Variants in KRTCAP3 observed in about 807,000 individuals in gnomAD.
KRTCAP3 encodes keratinocyte-associated protein 3.
In KRTCAP3, 18 loss-of-function variants were observed where a neutral mutation model predicts 20.5. The ratio of observed to expected loss-of-function variants is 0.88; its 90% CI spans 0.61 to 1.31. KRTCAP3 has a LOEUF of 1.31. KRTCAP3 is among the 50% of genes most tolerant of loss of function. KRTCAP3 has a pLI of 0.00. For synonymous variants in KRTCAP3, 167 were observed against 133.7 expected (o/e 1.25, Z -1.72); for missense variants, 347 against 310.4 (o/e 1.12, Z -0.89).
At chr2:27,445,441 C>T (rs760787140), downstream of KRTCAP3, 6 of 1,610,486 alleles carry the variant, frequency 3.7e-6, no homozygotes, top group Non-Finnish European at 5.1e-6. This position sits in a 1 kb window ranked among gnomAD's most constrained non-coding sequence, Gnocchi z 4.4. Context: ...CCTCTTCTCT[C>T]TCAGCCTCCT....
At chr2:27,442,474 C>A in intron 1 of KRTCAP3, 34 bp downstream of exon 1, 1 of 1,560,376 alleles carries the variant, frequency 6.4e-7, no homozygotes, top group East Asian at 2.4e-5. Context: ...CGTCTCCTTA[C>A]CCTGGGGCTA....
rs1466689839 is a variant in KRTCAP3, at chr2:27,444,198, C to T, written c.*18C>T. 4.4e-6 allele frequency: 3 copies of T among 678,386 alleles called. No individual in the cohort carries two copies. The highest frequency in any genetic ancestry group is 1.8e-5 in the African/African-American group (1 of 55,228). 42.0% of individuals were successfully genotyped at this position (678,386 alleles called of 1,614,324 possible). On this transcript the variant is annotated 3_prime_UTR_variant, in exon 7 of 7. Coordinates refer to ENST00000288873, the MANE Select transcript of KRTCAP3 (RefSeq NM_173853.4). ...CCCCTCTGTCCAGCAGGTGCTGTTC[C>T]GAGACTCAGTCCTAAAGGGTTTTTT...
rs1664786600 is a variant in KRTCAP3, at chr2:27,443,964, G to A, written c.631G>A (p.Glu211Lys). ...TCTTCTGCAGCTAGAGGAAATGACAGAGCTTGAATCTCCTAAATGTAAAAG... is the reference window on the plus strand; with the variant it reads ...TCTTCTGCAGCTAGAGGAAATGACAAAGCTTGAATCTCCTAAATGTAAAAG... ...GLQGQLEEMT[E>K]LESPKCKRQE... Residue 211 changes from glutamate to lysine, a missense_variant, in exon 6 of 7, where the codon GAG (glutamate) becomes AAG (lysine). Transcript: ENST00000288873. 6.2e-7 allele frequency: 1 copy of A among 1,603,638 alleles called. No individual in the cohort carries two copies.
Position 27,443,472 on chromosome 2 carries a change from T to C in KRTCAP3, c.555T>C (p.Cys185=), listed in dbSNP as rs890314479. ...AGEAALSGYC[C]VAALTLRGVG... is the part of the protein sequence containing the mutation. ...AGGCTGCTCTATCTGGTTACTGCTG[T>C]GTGGCTGCACTCACTCTACGTGGAG... Residue 185 remains cysteine, a synonymous_variant, in exon 5 of 7, where the codon TGT becomes TGC. Coordinates refer to ENST00000288873, the MANE Select transcript of KRTCAP3 (RefSeq NM_173853.4). 1.2e-6 allele frequency: 2 copies of C among 1,614,168 alleles called. No individual in the cohort carries two copies. Among genetic ancestry groups the C allele is most frequent in the Admixed American group, 3.3e-5 (2 of 60,018 alleles).
chr2:27,445,806 G>GAGTGGTCA (rs755954370), downstream of KRTCAP3: 1 of 1,614,152 alleles, frequency 6.2e-7, no homozygotes. The surrounding 1 kb of genome is among the most constrained non-coding windows in gnomAD (Gnocchi z 4.4). Context: ...CTGAAAATCA[G>GAGTGGTCA]AGTGGTCAAG....
Position 27,442,728 on chromosome 2 carries a change from G to A in KRTCAP3, c.178G>A (p.Val60Ile), listed in dbSNP as rs905508541. 3.7e-6 allele frequency: 6 copies of A among 1,605,630 alleles called. No individual in the cohort carries two copies. Among genetic ancestry groups the A allele is most frequent in the East Asian group, 2.2e-5 (1 of 44,688 alleles). Residue 60 changes from valine to isoleucine, a missense_variant, in exon 2 of 7, where the codon GTA becomes ATA. Transcript: ENST00000288873. The stretch of plus-strand genomic sequence containing the variant: ...CGGCGCTGTCACGCCGGAGTACACC[G>A]TAGCCAATGTCATCTCTGTCGGCTC... ...PRGAVTPEYT[V>I]ANVISVGSGL...
downstream of KRTCAP3, chr2:27,445,693 C>T (rs1665013318): frequency 2.5e-6 from 4 of 1,593,030 alleles, no homozygotes; most frequent in South Asian, 1.1e-5. The surrounding 1 kb of genome is among the most constrained non-coding windows in gnomAD (Gnocchi z 4.4). Flanking sequence ...TCTCCCTCCT[C>T]AAGGCACTCA....
Position 27,443,427 on chromosome 2 carries a change from T to G in KRTCAP3, c.510T>G (p.Ser170=), listed in dbSNP as rs184475643. The G allele has an allele frequency of 8.7e-6, 14 of 1,614,198 alleles. No homozygotes were observed. The highest frequency in any genetic ancestry group is 3.3e-5 in the Admixed American group (2 of 60,024). ...YDTALALWIP[S]LLMSAGEAAL... ...CAGCCTTGGCTCTCTGGATCCCTTC[T>G]TTGCTCATGTCTGCAGGGGAGGCTG... The change falls in exon 5 of 7, where the codon TCT becomes TCG. Residue 170 remains serine, a synonymous_variant. Coordinates refer to ENST00000288873, the MANE Select transcript of KRTCAP3 (RefSeq NM_173853.4).
chr2:27,445,037 T>C (rs770335799), downstream of KRTCAP3: 4 of 1,614,134 alleles, frequency 2.5e-6, no homozygotes, highest in Admixed American at 6.7e-5. The surrounding 1 kb of genome is among the most constrained non-coding windows in gnomAD (Gnocchi z 4.4). Flanking sequence ...AGGAATTTAT[T>C]CCAGTTGTCC....
Position 27,443,053 on chromosome 2 carries a change from C to T in KRTCAP3, c.274-21C>T, listed in dbSNP as rs573705801. The T allele has an allele frequency of 4.4e-6, 7 of 1,608,310 alleles. No individual in the cohort carries two copies. The Admixed American group carries it at 8.3e-5, about 19-fold the overall frequency. On this transcript the variant is annotated intron_variant, in intron 3 of 6. Coordinates refer to ENST00000288873, the MANE Select transcript of KRTCAP3 (RefSeq NM_173853.4). ...GTTAGCCAGGCCCAGGCTGCTCACCCTGATCTCCTGTCCCTGCCAGCACTG... is the reference window on the plus strand; with the variant it reads ...GTTAGCCAGGCCCAGGCTGCTCACCTTGATCTCCTGTCCCTGCCAGCACTG...
chr2:27,442,629 TTGG>T lies in KRTCAP3; in HGVS notation c.83_85del (p.Val28del). 6.4e-7 allele frequency: 1 copy of T among 1,572,098 alleles called. No individual in the cohort carries two copies. Among genetic ancestry groups the T allele is most frequent in the Non-Finnish European group, 8.6e-7 (1 of 1,159,906 alleles). On this transcript the variant is annotated inframe_deletion, in exon 2 of 7. Coordinates refer to ENST00000288873, the MANE Select transcript of KRTCAP3 (RefSeq NM_173853.4). The stretch of plus-strand genomic sequence containing the variant: ...GATGCGTGTGGGCCTCGCGCTGATC[TTGG>T]TGGGCCACGTGAACCTGCTGCTGGG...
intron 3 of KRTCAP3, 82 bp from the exon 4 acceptor site, chr2:27,442,992 A>C (rs748892223): frequency 1.4e-5 from 22 of 1,573,070 alleles, no homozygotes; most frequent in Non-Finnish European, 1.9e-5. Context: ...AGATTGGAGG[A>C]GCCTCAGAGA....
chr2:27,446,305 T>C, downstream of KRTCAP3: 3 of 1,614,244 alleles, frequency 1.9e-6, no homozygotes, highest in Non-Finnish European at 1.7e-6. Context: ...CTACAGGTAG[T>C]AGCTGGGTGT....
In KRTCAP3 at chr2:27,442,908, G is replaced by A. The variant is rs749233167; in HGVS notation, c.273+7G>A. On this transcript the variant is annotated splice_region_variant and intron_variant, in intron 3 of 6. Transcript: ENST00000288873. Reference sequence around the variant, plus strand: ...CCTTCTTCGCCCTCCACTGGTGAGAGGGACTTCCCTGGAGCTTTTAACGAG... The same window carrying A: ...CCTTCTTCGCCCTCCACTGGTGAGAAGGACTTCCCTGGAGCTTTTAACGAG... The A allele has an allele frequency of 6.8e-6, 11 of 1,613,278 alleles. No individual in the cohort carries two copies. In the South Asian group the frequency reaches 9.9e-5, roughly 14 times the overall value.
Position 27,444,194 on chromosome 2 carries a change from G to A in KRTCAP3, c.*14G>A. On this transcript the variant is annotated 3_prime_UTR_variant, in exon 7 of 7. Coordinates refer to ENST00000288873, the MANE Select transcript of KRTCAP3 (RefSeq NM_173853.4). The stretch of plus-strand genomic sequence containing the variant: ...TTCTCCCCTCTGTCCAGCAGGTGCT[G>A]TTCCGAGACTCAGTCCTAAAGGGTT... The A allele has an allele frequency of 2.9e-6, 2 of 682,706 alleles. No homozygotes were observed. Among genetic ancestry groups the A allele is most frequent in the South Asian group, 3.6e-5 (2 of 55,524 alleles). 42.3% of individuals were successfully genotyped at this position (682,706 alleles called of 1,614,324 possible). A position where few individuals can be genotyped will look rare whatever the true frequency, so the allele number is the denominator to read the frequency against.
At chr2:27,446,204 A>G (rs971103505), downstream of KRTCAP3, 1 of 1,557,572 alleles carries the variant, frequency 6.4e-7, no homozygotes, top group Non-Finnish European at 8.9e-7. Flanking sequence ...GGGATATTCT[A>G]TTTTCCAACC....
downstream of KRTCAP3, chr2:27,445,251 G>A: frequency 1.3e-6 from 2 of 1,592,884 alleles, no homozygotes; most frequent in African/African-American, 1.3e-5. The surrounding 1 kb of genome is among the most constrained non-coding windows in gnomAD (Gnocchi z 4.4). Flanking sequence ...TGATCCTGCT[G>A]CTTTCTACCC....
chr2:27,445,488 G>A, downstream of KRTCAP3: 2 of 1,590,624 alleles, frequency 1.3e-6, no homozygotes, highest in Non-Finnish European at 1.7e-6. The surrounding 1 kb of genome is among the most constrained non-coding windows in gnomAD (Gnocchi z 4.4). Context: ...TTCACACAGG[G>A]CAGGGCAGGA....
In KRTCAP3 at chr2:27,442,395, G is replaced by T. The variant is rs1442457707; in HGVS notation, c.-18G>T. ...CGGGCCCAGGTACAGCGGCCCTGCG[G>T]CTGGCGCGGCGGACGGGATGAGGCG... On this transcript the variant is annotated 5_prime_UTR_variant, in exon 1 of 7. Transcript: ENST00000288873. The T allele has an allele frequency of 1.3e-6, 2 of 1,549,854 alleles. No individual in the cohort carries two copies. The highest frequency in any genetic ancestry group is 3.9e-5 in the Admixed American group (2 of 51,320).
Sources: gnomAD v4.1 joint callset for allele counts on GRCh38, gnomAD v4.1.1 for gene constraint, Gnocchi (gnomAD v3.1) non-coding constraint, MANE v1.5 for transcripts, NCBI Gene and HGNC (gene_info 2026-07-23, HGNC 2026-07-21) for gene names.